Variants in SLC4A1 observed in about 807,000 individuals in gnomAD.
The protein encoded by SLC4A1 is band 3 anion transport protein.
Under a neutral mutation model 93.1 loss-of-function variants are expected in SLC4A1, and 29 were observed. That is an observed-to-expected ratio of 0.31 (90% CI 0.23 to 0.42). The LOEUF (loss-of-function observed/expected upper bound fraction) is 0.42, where lower values mean the gene tolerates loss of function less well. SLC4A1 is among the 20% of genes least tolerant of loss of function. SLC4A1 has a pLI of 1.00. For synonymous variants in SLC4A1, 469 were observed against 497.2 expected, an observed-to-expected ratio of 0.94 and a Z score of 0.76; for missense variants, 965 against 1,190.1, an observed-to-expected ratio of 0.81 and a Z score of 2.78.
Position 44,258,817 on chromosome 17 carries a change from G to A in SLC4A1, c.877-194C>T, listed in dbSNP as rs1353514663. 1.3e-5 allele frequency among the ~76,000 whole-genome samples: 2 copies of A among 152,112 alleles called. No individual in the cohort carries two copies. On this transcript the variant is annotated intron_variant, in intron 9 of 19. Coordinates refer to ENST00000262418, the MANE Select transcript of SLC4A1 (RefSeq NM_000342.4). The surrounding 1 kb of genome is among the most constrained non-coding windows in gnomAD (Gnocchi z 6.1). ...CTCTGGGGAGACAGACGGGGGCCCTGGGTGGGGAAAGGAGAAGGAACTAAA... is the reference window on the plus strand; with the variant it reads ...CTCTGGGGAGACAGACGGGGGCCCTAGGTGGGGAAAGGAGAAGGAACTAAA...
chr17:44,259,688 G>C lies in SLC4A1; in HGVS notation c.610-107C>G, dbSNP rs1014590420. ...CTTCCCAACTCTCCTGGCACCCCCC[G>C]GGCACAGGAGTGCTTCTGGTCCCCT... On this transcript the variant is annotated intron_variant, in intron 7 of 19. Coordinates refer to ENST00000262418, the MANE Select transcript of SLC4A1 (RefSeq NM_000342.4). The C allele has an allele frequency of 3.3e-6, 5 of 1,533,414 alleles. No homozygotes were observed. Among genetic ancestry groups the C allele is most frequent in the Admixed American group, 1.7e-5 (1 of 59,630 alleles). 95.0% of individuals were successfully genotyped at this position (1,533,414 alleles called of 1,614,324 possible).
chr17:44,252,630 G>GAAATC (rs2047352862), intron 17 of SLC4A1, among the ~76,000 whole-genome samples: 1 of 152,172 alleles, frequency 6.6e-6, no homozygotes, highest in Non-Finnish European at 1.5e-5. Context: ...CTCCAGAACT[G>GAAATC]AAATCAACCC....
In SLC4A1 at chr17:44,257,531, T is replaced by C. The variant is rs747781974; in HGVS notation, c.1445A>G (p.Asn482Ser). 1.2e-6 allele frequency: 2 copies of C among 1,613,680 alleles called. No homozygotes were observed. Among genetic ancestry groups the C allele is most frequent in the South Asian group, 1.1e-5 (1 of 91,020 alleles). Residue 482 changes from asparagine (N) to serine (S), a missense_variant, in exon 13 of 20, where the codon AAC (asparagine) becomes AGC (serine). This residue lies in a region of SLC4A1 where 770 missense variants were observed against 1,006.6 expected (regional missense o/e 0.76). Coordinates refer to ENST00000262418, the MANE Select transcript of SLC4A1 (RefSeq NM_000342.4). ...GCGGCCCACGATGTACTCTAGACCG[T>C]TGGTCTCGCAGAACTGCAGGGTGGT... ...EEAFFSFCET[N>S]GLEYIVGRVW... is the part of the protein sequence containing the mutation.
intron 1 of SLC4A1, 67 bp downstream of exon 1, chr17:44,267,987 G>A: frequency 1.2e-6 from 1 of 841,180 alleles, no homozygotes; most frequent in Non-Finnish European, 1.4e-6. Flanking sequence ...ATTCAGGCTG[G>A]GCACCTGTAG....
chr17:44,259,139 C>T (rs928059316), intron 9 of SLC4A1, 24 bp downstream of exon 9: 2 of 1,612,730 alleles, frequency 1.2e-6, no homozygotes, highest in East Asian at 2.2e-5. Context: ...TTCCCCAGCC[C>T]AGCCCTCTCC....
chr17:44,259,642 A>C, intron 7 of SLC4A1, 61 bp from the exon 8 acceptor site: 17 of 1,516,078 alleles, frequency 1.1e-5, no homozygotes, highest in Non-Finnish European at 1.6e-5. Flanking sequence ...AGACCTGAGC[A>C]TCCTCCCCTT....
rs754880533 is a variant in SLC4A1, at chr17:44,253,310, G to C, written c.2119C>G (p.Leu707Val). 6.2e-7 allele frequency: 1 copy of C among 1,614,092 alleles called. No individual in the cohort carries two copies. The highest frequency in any genetic ancestry group is 1.1e-5 in the South Asian group (1 of 91,086). ...VKGSGFHLDL[L>V]LVVGMGGVAA... ...ACCCCACCCATGCCTACTACCAGCA[G>C]CAGGTCCAGGTGGAAGCCGGAGCCC... Residue 707 changes from leucine (L) to valine (V), a missense_variant, in exon 17 of 20, where the codon CTG (leucine) becomes GTG (valine). Coordinates refer to ENST00000262418, the MANE Select transcript of SLC4A1 (RefSeq NM_000342.4).
At chr17:44,259,723 C>A (rs2857082) in intron 7 of SLC4A1, 86 bp downstream of exon 7, 1 of 1,598,052 alleles carries the variant, frequency 6.3e-7, no homozygotes, top group South Asian at 1.1e-5. Context: ...TGCTTGTGGT[C>A]GGTTTTTCAG....
chr17:44,265,906 G>A (rs1481764012), intron 1 of SLC4A1, among the ~76,000 whole-genome samples: 3 of 152,036 alleles, frequency 2.0e-5, no homozygotes, highest in South Asian at 4.1e-4. Context: ...CCTTGAACCA[G>A]GGGGCAGAGG....
intron 17 of SLC4A1, 146 bp downstream of exon 17, chr17:44,252,972 A>T (rs1002940257): frequency 4.4e-6 from 4 of 907,332 alleles, no homozygotes; most frequent in Admixed American, 2.0e-5. Context: ...CCCTCGTGTG[A>T]GTAGGGGATG....
Position 44,258,216 on chromosome 17 carries a change from A to G in SLC4A1, c.1088-36T>C, listed in dbSNP as rs2047408146. The G allele has an allele frequency of 1.2e-6, 2 of 1,600,286 alleles. No individual in the cohort carries two copies. Among genetic ancestry groups the G allele is most frequent in the Non-Finnish European group, 8.6e-7 (1 of 1,168,060 alleles). ...GGATAAGAGCATGGTCAGAGGGAGT[A>G]GCTGGAGGAGGTGAGGGGAAAGGGG... On this transcript the variant is annotated intron_variant, in intron 10 of 19. Coordinates refer to ENST00000262418, the MANE Select transcript of SLC4A1 (RefSeq NM_000342.4). This position sits in a 1 kb window ranked among gnomAD's most constrained non-coding sequence, Gnocchi z 6.1.
intron 17 of SLC4A1, among the ~76,000 whole-genome samples, chr17:44,252,628 C>A (rs1002658689): frequency 1.3e-5 from 2 of 152,228 alleles, no homozygotes. Flanking sequence ...TGCTCCAGAA[C>A]TGAAATCAAC....
rs1402381858 is a variant in SLC4A1 at position 44,262,951 on chromosome 17, A to T, written c.-68-17T>A. The stretch of plus-strand genomic sequence containing the variant: ...CGCGGGTCCCTGCAGCAGAGGGCAC[A>T]GGCTGAGTGGGGCACAGGGCATCCC... On this transcript the variant is annotated splice_polypyrimidine_tract_variant and intron_variant, in intron 1 of 19. Coordinates refer to ENST00000262418, the MANE Select transcript of SLC4A1 (RefSeq NM_000342.4). The T allele has an allele frequency of 1.4e-5, 22 of 1,609,100 alleles. No individual in the cohort carries two copies. Among genetic ancestry groups the T allele is most frequent in the Non-Finnish European group, 5.9e-6 (7 of 1,178,954 alleles).
At position 44,258,642 on chromosome 17, in the gene SLC4A1, G is replaced by A; in HGVS notation, c.877-19C>T. 6.4e-7 allele frequency: 1 copy of A among 1,567,296 alleles called. No individual in the cohort carries two copies. Among genetic ancestry groups the A allele is most frequent in the South Asian group, 1.2e-5 (1 of 86,652 alleles). On this transcript the variant is annotated intron_variant, in intron 9 of 19. Coordinates refer to ENST00000262418, the MANE Select transcript of SLC4A1 (RefSeq NM_000342.4). This position sits in a 1 kb window ranked among gnomAD's most constrained non-coding sequence, Gnocchi z 6.1. ...GGAACACCTAGGGGCAGGAGACAGG[G>A]TCAGAGCTGCCCGGACCTGCGGAGG...
At position 44,254,560 on chromosome 17, in the gene SLC4A1, A is replaced by G. The variant is rs1243520646; in HGVS notation, c.1993T>C (p.Phe665Leu). The change falls in exon 16 of 20, where the codon TTT (phenylalanine) becomes CTT (leucine). Residue 665 changes from phenylalanine (F) to leucine (L), a missense_variant. Phe to Leu is a conservative substitution (Grantham distance 22, BLOSUM62 0). Transcript: ENST00000262418. ...LRSEFPIWMMFASALPALLVF... is the reference protein window; with the variant it reads ...LRSEFPIWMMLASALPALLVF... ...AGCAGAGCAGGCAGGGCGGAGGCAAACATCATCCAGATGGGAAACTCGGAA... is the reference window on the plus strand; with the variant it reads ...AGCAGAGCAGGCAGGGCGGAGGCAAGCATCATCCAGATGGGAAACTCGGAA... 1 of 1,614,042 alleles carries G rather than the reference A, an allele frequency of 6.2e-7. No individual in the cohort carries two copies. The highest frequency in any genetic ancestry group is 8.5e-7 in the Non-Finnish European group (1 of 1,180,020).
rs1312497582 is a variant in SLC4A1, at chr17:44,257,975, T to C, written c.1282+11A>G. 5 of 1,613,762 alleles carry C rather than the reference T, an allele frequency of 3.1e-6. No individual in the cohort carries two copies. In the African/African-American group the frequency reaches 5.3e-5, roughly 17 times the overall value. On this transcript the variant is annotated intron_variant, in intron 11 of 19. Transcript: ENST00000262418. The stretch of plus-strand genomic sequence containing the variant: ...GAGGCAAGAGTTAGGGAGACAGGTA[T>C]TGGCACTGACCCAGGAGGCCGCCGA...
In SLC4A1 at chr17:44,262,692, T is replaced by C; in HGVS notation, c.50A>G (p.Glu17Gly). ...DYEDMMEENL[E>G]QEEYEDPDIP... ...GTCTGGGTCTTCATATTCCTCCTGCTCCAGATTCTCCTCCATCATGTCTTC... is the reference window on the plus strand; with the variant it reads ...GTCTGGGTCTTCATATTCCTCCTGCCCCAGATTCTCCTCCATCATGTCTTC... The change falls in exon 3 of 20, where the codon GAG (glutamate) becomes GGG (glycine). Residue 17 changes from glutamate (E) to glycine (G), a missense_variant. Physicochemically the swap from Glu to Gly is moderately conservative, Grantham distance 98 (BLOSUM62 -2). Coordinates refer to ENST00000262418, the MANE Select transcript of SLC4A1 (RefSeq NM_000342.4). 1 of 1,614,102 alleles carries C rather than the reference T, an allele frequency of 6.2e-7. No homozygotes were observed. Among genetic ancestry groups the C allele is most frequent in the South Asian group, 1.1e-5 (1 of 91,076 alleles).
At chr17:44,265,709 T>C (rs2047490631) in intron 1 of SLC4A1, among the ~76,000 whole-genome samples, 2 of 152,210 alleles carry the variant, frequency 1.3e-5, no homozygotes, top group Non-Finnish European at 2.9e-5. Context: ...AGTCCAGATG[T>C]GAGGCATGCC....
In SLC4A1 at chr17:44,249,414, C is replaced by G. The variant is rs2047320105; in HGVS notation, c.*1044G>C. 1 of 280,654 alleles carries G rather than the reference C, an allele frequency of 3.6e-6. No homozygotes were observed. Among genetic ancestry groups the G allele is most frequent in the South Asian group, 2.9e-5 (1 of 34,914 alleles). 17.4% of individuals were successfully genotyped at this position (280,654 alleles called of 1,614,324 possible). A position where few individuals can be genotyped will look rare whatever the true frequency, so the allele number is the denominator to read the frequency against. ...GTGAAGCCAAACTATGTTGAAAACT[C>G]TTAGAAAATACGCAATTAATAAATT... is the stretch of plus-strand genomic sequence containing the variant. On this transcript the variant is annotated 3_prime_UTR_variant, in exon 20 of 20. Coordinates refer to ENST00000262418, the MANE Select transcript of SLC4A1 (RefSeq NM_000342.4).
Sources: allele counts gnomAD v4.1 joint callset (sites outside exome capture counted in the v4.1 genomes callset), GRCh38; gene constraint gnomAD v4.1.1; regional missense constraint gnomAD v4.1.1; non-coding constraint Gnocchi (gnomAD v3.1); transcripts MANE v1.5; gene names NCBI Gene and HGNC (gene_info 2026-07-23, HGNC 2026-07-21).